Variants in TRAPPC9 observed in about 807,000 individuals in gnomAD.
The protein encoded by TRAPPC9 is trafficking protein particle complex subunit 9.
In TRAPPC9, 83 loss-of-function variants were observed where a neutral mutation model predicts 124.0. That is an observed-to-expected ratio of 0.67 (90% CI 0.56 to 0.80). The LOEUF is 0.80. Among genes scored for constraint, TRAPPC9 ranks in the 30% least tolerant of loss-of-function variants. TRAPPC9 has a pLI of 0.00. For synonymous variants in TRAPPC9, 638 were observed against 617.5 expected (o/e 1.03, Z -0.49); for missense variants, 1,302 against 1,508.3 (o/e 0.86, Z 2.27).
chr8:139,836,398 G>A (rs748135677), intron 21 of TRAPPC9, among the ~76,000 whole-genome samples: 4 of 152,188 alleles, frequency 2.6e-5, no homozygotes, highest in African/African-American at 4.8e-5. Context: ...CCCGGCACTC[G>A]ATGTGTGTGT....
chr8:139,786,084 T>C (rs1822220031), intron 21 of TRAPPC9, among the ~76,000 whole-genome samples: 1 of 152,070 alleles, frequency 6.6e-6, no homozygotes, highest in Non-Finnish European at 1.5e-5. Context: ...GGCGGGCGCC[T>C]GTAATTCCAG....
chr8:140,077,727 C>T (rs1444805784), intron 17 of TRAPPC9, among the ~76,000 whole-genome samples: 1 of 152,084 alleles, frequency 6.6e-6, no homozygotes, highest in Non-Finnish European at 1.5e-5. Flanking sequence ...GCAGCTGGGC[C>T]AGGCCCCAGG....
intron 18 of TRAPPC9, among the ~76,000 whole-genome samples, chr8:139,998,635 T>C (rs573107038): frequency 4.6e-5 from 7 of 152,224 alleles, no homozygotes; most frequent in African/African-American, 1.7e-4. Flanking sequence ...GGCAGGAGAA[T>C]GGTGTGAAAC....
chr8:140,374,439 G>A (rs1433848284), intron 7 of TRAPPC9, among the ~76,000 whole-genome samples: 2 of 152,134 alleles, frequency 1.3e-5, no homozygotes, highest in Non-Finnish European at 2.9e-5. Context: ...GCGTGGTGGT[G>A]CATACCTGTA....
At chr8:140,081,363 TGAGACAGAGTC>T (rs1843808440) in intron 17 of TRAPPC9, among the ~76,000 whole-genome samples, 2 of 151,102 alleles carry the variant, frequency 1.3e-5, no homozygotes, top group Non-Finnish European at 3.0e-5. Context: ...TTTTTTTTTT[TGAGACAGAGTC>T]TCACTCTGTT....
chr8:139,732,022 T>C lies in TRAPPC9; in HGVS notation c.3236A>G (p.Asp1079Gly), dbSNP rs1337215943. The C allele has an allele frequency of 6.2e-7, 1 of 1,600,732 alleles. No individual in the cohort carries two copies. Among genetic ancestry groups the C allele is most frequent in the East Asian group, 2.3e-5 (1 of 44,270 alleles). The change falls in exon 22 of 23, where the codon GAC becomes GGC. Residue 1079 changes from aspartate to glycine, a missense_variant. Asp to Gly is a moderately conservative substitution (Grantham distance 94, BLOSUM62 -1). Transcript: ENST00000438773. ...QNGVHNYDLHDTVSFVGSSTF... is the reference protein window; with the variant it reads ...QNGVHNYDLHGTVSFVGSSTF... ...GCTGGAGCCCACGAAGGAGACGGTG[T>C]CGTGCAGGTCGTAGTTGTGCACGCC...
At chr8:140,096,753 G>A (rs1844980937) in intron 17 of TRAPPC9, 2 of 152,198 alleles carry the variant, frequency 1.3e-5, no homozygotes, top group African/African-American at 4.8e-5. Flanking sequence ...TAGGTAAGTG[G>A]AGAGGAGTGG....
chr8:140,405,421 C>A, intron 6 of TRAPPC9, 156 bp downstream of exon 6: 1 of 755,812 alleles, frequency 1.3e-6, no homozygotes. Flanking sequence ...AAAAAGAAAA[C>A]ATTTTAGGCA....
chr8:139,985,527 G>A (rs930662093), intron 19 of TRAPPC9, among the ~76,000 whole-genome samples: 1 of 152,120 alleles, frequency 6.6e-6, no homozygotes, highest in Non-Finnish European at 1.5e-5. Context: ...AGCCCTCACG[G>A]CTCATACACA....
intron 15 of TRAPPC9, among the ~76,000 whole-genome samples, chr8:140,263,793 A>G (rs1317255230): frequency 6.6e-6 from 1 of 152,196 alleles, no homozygotes; most frequent in East Asian, 1.9e-4. Context: ...GTTGACCATC[A>G]TAAGTAACTT....
chr8:139,782,312 G>T (rs1002372834), intron 21 of TRAPPC9, among the ~76,000 whole-genome samples: 2 of 152,210 alleles, frequency 1.3e-5, no homozygotes, highest in African/African-American at 4.8e-5. Flanking sequence ...CCCAGGAAGT[G>T]GAGGTTGCAG....
intron 21 of TRAPPC9, among the ~76,000 whole-genome samples, chr8:139,803,731 A>C (rs760450847): frequency 6.6e-6 from 1 of 152,192 alleles, no homozygotes; most frequent in Non-Finnish European, 1.5e-5. Context: ...TGTTCCCCGG[A>C]GTCACTGGAA....
chr8:140,221,914 A>T (rs2063346282), intron 16 of TRAPPC9, among the ~76,000 whole-genome samples: 1 of 152,230 alleles, frequency 6.6e-6, no homozygotes, highest in South Asian at 2.1e-4. Context: ...TGTAAGGAGC[A>T]TGCCAGTTTC....
At chr8:139,993,580 A>G (rs1485537781) in intron 18 of TRAPPC9, among the ~76,000 whole-genome samples, 1 of 152,238 alleles carries the variant, frequency 6.6e-6, no homozygotes, top group Non-Finnish European at 1.5e-5. Context: ...GGGCACATTC[A>G]AAAGTGTTCA....
At chr8:140,204,276 T>C (rs986978611) in intron 17 of TRAPPC9, among the ~76,000 whole-genome samples, 9 of 151,972 alleles carry the variant, frequency 5.9e-5, no homozygotes, top group African/African-American at 2.2e-4. Flanking sequence ...ATATACACCA[T>C]GGAATACTAT....
chr8:139,855,122 C>T (rs1399783173), intron 21 of TRAPPC9, among the ~76,000 whole-genome samples: 1 of 152,194 alleles, frequency 6.6e-6, no homozygotes, highest in Non-Finnish European at 1.5e-5. Context: ...GCCAATCGGG[C>T]CTACCTGGTC....
Position 140,116,665 on chromosome 8 carries a change from C to T in TRAPPC9, c.2557-92586G>A, listed in dbSNP as rs73361130. Among the ~76,000 whole-genome samples, 804 of 152,256 alleles carry T rather than the reference C, an allele frequency of 5.3e-3. 13 individuals are homozygous for T. Among genetic ancestry groups the T allele is most frequent in the African/African-American group, 0.018 (748 of 41,548 alleles). ...GTGTTTTAAAGACAATAAATGCTTG[C>T]TGTGGTTTTGAGAAGTAACCCCAGG... On this transcript the variant is annotated intron_variant, in intron 17 of 22. Transcript: ENST00000438773.
intron 21 of TRAPPC9, among the ~76,000 whole-genome samples, chr8:139,793,850 G>A (rs1173121788): frequency 6.6e-6 from 1 of 152,192 alleles, no homozygotes; most frequent in Non-Finnish European, 1.5e-5. Context: ...AATGAAGGAG[G>A]GAGTGATATT....
chr8:139,866,189 G>T (rs924144518), intron 21 of TRAPPC9, among the ~76,000 whole-genome samples: 9 of 152,188 alleles, frequency 5.9e-5, no homozygotes, highest in Non-Finnish European at 1.2e-4. Context: ...GAGACAACAG[G>T]TTGCAAAATG....
Sources: gnomAD v4.1 joint callset for allele counts (sites outside exome capture counted in the v4.1 genomes callset) on GRCh38, gnomAD v4.1.1 for gene constraint, MANE v1.5 for transcripts, NCBI Gene and HGNC (gene_info 2026-07-23, HGNC 2026-07-21) for gene names.